ROBO2: variants seen among roughly 807,000 people sequenced by gnomAD.
The protein encoded by ROBO2 is roundabout guidance receptor 2.
A neutral mutation model predicts 160.8 loss-of-function variants in ROBO2; 53 were observed. The ratio of observed to expected loss-of-function variants is 0.33; its 90% CI spans 0.26 to 0.41. The LOEUF (loss-of-function observed/expected upper bound fraction) is 0.41. Among genes scored for constraint, ROBO2 ranks in the 10% least tolerant of loss-of-function variants. The probability of loss-of-function intolerance (pLI) is 1.00; values close to 1 mark genes in which losing one functional copy is unlikely to be tolerated. For missense variants in ROBO2, 1,577 were observed against 1,722.4 expected, an observed-to-expected ratio of 0.92 and a Z score of 1.49; for synonymous variants, 664 against 611.7, an observed-to-expected ratio of 1.09 and a Z score of -1.26.
At chr3:77,025,000 C>T (rs1452281645) in intron 2 of ROBO2, among the ~76,000 whole-genome samples, 4 of 149,366 alleles carry the variant, frequency 2.7e-5, no homozygotes, top group African/African-American at 7.6e-5. Flanking sequence ...AAAAAAAGGA[C>T]AGAAGGTCTG....
chr3:76,530,989 C>A (rs1490343129), intron 2 of ROBO2, among the ~76,000 whole-genome samples: 1 of 152,172 alleles, frequency 6.6e-6, no homozygotes, highest in Non-Finnish European at 1.5e-5. Flanking sequence ...ATTGCAGAAG[C>A]TTATAACTTC....
At chr3:76,371,145 G>A (rs2076078952) in intron 2 of ROBO2, among the ~76,000 whole-genome samples, 1 of 151,956 alleles carries the variant, frequency 6.6e-6, no homozygotes, top group African/African-American at 2.4e-5. Context: ...TATGAAACTA[G>A]TCTAGGAAGT....
chr3:76,261,327 C>G (rs1259013831), intron 2 of ROBO2, among the ~76,000 whole-genome samples: 4 of 151,630 alleles, frequency 2.6e-5, no homozygotes, highest in Non-Finnish European at 4.4e-5. Context: ...TACCTGGAGA[C>G]TCTTTACCTG....
intron 2 of ROBO2, among the ~76,000 whole-genome samples, chr3:76,039,512 CTT>C (rs1329782267): frequency 1.3e-5 from 2 of 151,588 alleles, no homozygotes; most frequent in Non-Finnish European, 2.9e-5. Flanking sequence ...TTTCTACTCT[CTT>C]AAGAAAAAAA....
chr3:76,248,986 GAC>G (rs992909059), intron 2 of ROBO2, among the ~76,000 whole-genome samples: 1 of 152,102 alleles, frequency 6.6e-6, no homozygotes, highest in Non-Finnish European at 1.5e-5. Flanking sequence ...GATTTTCTAA[GAC>G]ACACATGTAT....
At chr3:76,627,182 C>T (rs1208205282) in intron 2 of ROBO2, among the ~76,000 whole-genome samples, 5 of 152,146 alleles carry the variant, frequency 3.3e-5, no homozygotes, top group Admixed American at 1.3e-4. Context: ...ACTTCCTTCA[C>T]CTTACTTAGT....
chr3:76,453,327 T>C (rs2077573352), intron 2 of ROBO2, among the ~76,000 whole-genome samples: 1 of 152,238 alleles, frequency 6.6e-6, no homozygotes, highest in Non-Finnish European at 1.5e-5. Flanking sequence ...GTTTAAGTCT[T>C]TAATCCATCT....
intron 2 of ROBO2, among the ~76,000 whole-genome samples, chr3:77,002,076 A>T (rs1160907851): frequency 6.6e-6 from 1 of 152,142 alleles, no homozygotes; most frequent in Non-Finnish European, 1.5e-5. Context: ...ACTAATTATC[A>T]TGCATGAATT....
chr3:77,640,070 T>TGAGAGAA (rs1356520217), intron 24 of ROBO2, among the ~76,000 whole-genome samples: 1 of 145,536 alleles, frequency 6.9e-6, no homozygotes. Context: ...TGTGACCAAC[T>TGAGAGAA]GAGAGAAGAA....
chr3:77,242,144 G>A (rs1265811117), intron 2 of ROBO2, among the ~76,000 whole-genome samples: 2 of 152,128 alleles, frequency 1.3e-5, no homozygotes, highest in Non-Finnish European at 2.9e-5. Context: ...GACTATTAGT[G>A]TTAAAGATTC....
Position 76,633,052 on chromosome 3 carries a change from A to G in ROBO2, c.110-464962A>G, listed in dbSNP as rs1164925743. On this transcript the variant is annotated intron_variant, in intron 2 of 26. Coordinates refer to the ROBO2 transcript ENST00000487694. ...GGGAAAGATGTCACAACATGTTTAC[A>G]GGATTATTGTAATTCTAATTAAACC... Among the ~76,000 whole-genome samples the G allele has an allele frequency of 7.2e-5, 11 of 152,340 alleles. No individual in the cohort carries two copies. The South Asian group carries it at 2.3e-3, about 32-fold the overall frequency.
intron 2 of ROBO2, among the ~76,000 whole-genome samples, chr3:76,931,401 A>AT: frequency 6.6e-6 from 1 of 152,264 alleles, no homozygotes; most frequent in South Asian, 2.1e-4. Context: ...TCCATTGGAG[A>AT]CACATTTTCT....
chr3:75,928,979 A>ACG (rs1947408243), intron 1 of ROBO2, among the ~76,000 whole-genome samples: 1 of 77,080 alleles, frequency 1.3e-5, no homozygotes, highest in Non-Finnish European at 3.0e-5. Context: ...GATAAGACGT[A>ACG]CGTGTGTGTG....
intron 2 of ROBO2, among the ~76,000 whole-genome samples, chr3:76,712,107 A>G (rs2093305903): frequency 2.0e-5 from 3 of 152,234 alleles, no homozygotes. Flanking sequence ...AAAATGAATA[A>G]GAAAACACTT....
intron 4 of ROBO2, among the ~76,000 whole-genome samples, chr3:77,482,930 A>G (rs2084883231): frequency 6.6e-6 from 1 of 152,158 alleles, no homozygotes; most frequent in Non-Finnish European, 1.5e-5. Context: ...GTTTAATGTC[A>G]TTACAGAAGC....
chr3:76,078,510 C>T (rs1381920378), intron 2 of ROBO2, among the ~76,000 whole-genome samples: 1 of 152,070 alleles, frequency 6.6e-6, no homozygotes, highest in Non-Finnish European at 1.5e-5. Context: ...GGACTACAGA[C>T]ACACACCACC....
chr3:77,334,428 T>C (rs977832881), intron 2 of ROBO2, among the ~76,000 whole-genome samples: 5 of 152,232 alleles, frequency 3.3e-5, no homozygotes, highest in East Asian at 1.9e-4. Flanking sequence ...ACGTCTGCTA[T>C]AGTTTTTCTG....
At position 76,924,386 on chromosome 3, in the gene ROBO2, A is replaced by C. The variant is rs138142225; in HGVS notation, c.110-173628A>C. Among the ~76,000 whole-genome samples, 457 of 152,250 alleles carry C rather than the reference A, an allele frequency of 3.0e-3. 3 individuals are homozygous for C. The highest frequency in any genetic ancestry group is 0.01 in the African/African-American group (434 of 41,546). ...CCCAAGAAAACTGCTTTCCCTCTTT[A>C]ACTATGTGAGGACACGGCAGGAAGT... On this transcript the variant is annotated intron_variant, in intron 2 of 26. Coordinates refer to the ROBO2 transcript ENST00000487694.
At chr3:76,351,655 A>T (rs2074883252) in intron 2 of ROBO2, among the ~76,000 whole-genome samples, 1 of 151,902 alleles carries the variant, frequency 6.6e-6, no homozygotes, top group South Asian at 2.1e-4. Context: ...TTTCCATATT[A>T]TGTCTTTATT....
Sources: allele counts gnomAD v4.1 joint callset (sites outside exome capture counted in the v4.1 genomes callset), GRCh38; gene constraint gnomAD v4.1.1; transcripts MANE v1.5; gene names NCBI Gene and HGNC (gene_info 2026-07-23, HGNC 2026-07-21).